PTPRD: variants seen among roughly 807,000 people sequenced by gnomAD.
The protein encoded by PTPRD is protein tyrosine phosphatase receptor type D, also known as receptor-type tyrosine-protein phosphatase delta.
A neutral mutation model predicts 214.5 loss-of-function variants in PTPRD; 34 were observed. That is an observed-to-expected ratio of 0.16 (90% CI 0.12 to 0.21). The LOEUF is 0.21. Ranked by LOEUF, PTPRD falls within the 10% of genes least tolerant of loss-of-function variation. PTPRD has a pLI of 1.00. For missense variants in PTPRD, 2,545 were observed against 2,398.7 expected, an observed-to-expected ratio of 1.06 and a Z score of -1.27; for synonymous variants, 1,128 against 845.7, an observed-to-expected ratio of 1.33 and a Z score of -5.79.
At chr9:9,135,269 T>C (rs142552735) in intron 10 of PTPRD, among the ~76,000 whole-genome samples, 143 of 152,362 alleles carry the variant, frequency 9.4e-4, no homozygotes, top group African/African-American at 3.2e-3. Context: ...GCACCTAGTA[T>C]GATACTTTGT....
intron 11 of PTPRD, among the ~76,000 whole-genome samples, chr9:8,813,179 C>G (rs964969738): frequency 2.0e-5 from 3 of 151,858 alleles, no homozygotes; most frequent in Non-Finnish European, 4.4e-5. Context: ...GGACATTTTT[C>G]ATTAATGACC....
chr9:8,959,697 TG>T (rs2099149036), intron 11 of PTPRD, among the ~76,000 whole-genome samples: 1 of 152,042 alleles, frequency 6.6e-6, no homozygotes, highest in Non-Finnish European at 1.5e-5. Context: ...AAAGAATCAT[TG>T]AGTATATCCT....
intron 12 of PTPRD, among the ~76,000 whole-genome samples, chr9:8,649,514 C>T (rs1451162388): frequency 2.0e-5 from 3 of 152,138 alleles, no homozygotes; most frequent in East Asian, 3.8e-4. Flanking sequence ...AGAAGGGAGA[C>T]GTGTGTGTAC....
chr9:10,396,344 T>C (rs989426699), intron 2 of PTPRD, among the ~76,000 whole-genome samples: 1 of 151,966 alleles, frequency 6.6e-6, no homozygotes, highest in Non-Finnish European at 1.5e-5. Context: ...GATGCTGAGG[T>C]AGCCTGCGGG....
At chr9:10,565,052 T>C (rs548335800) in intron 2 of PTPRD, among the ~76,000 whole-genome samples, 1 of 152,108 alleles carries the variant, frequency 6.6e-6, no homozygotes, top group Non-Finnish European at 1.5e-5. Context: ...ATGTAGCATA[T>C]TTTTTATAAG....
intron 11 of PTPRD, among the ~76,000 whole-genome samples, chr9:8,845,996 C>A (rs1529766): frequency 0.092 from 13,958 of 152,152 alleles, 858 homozygotes; most frequent in Admixed American, 0.15. Context: ...CAGGCAATTG[C>A]TTTTGGTTCA....
chr9:10,493,382 T>C (rs2040994317), intron 2 of PTPRD, among the ~76,000 whole-genome samples: 1 of 152,086 alleles, frequency 6.6e-6, no homozygotes, highest in Non-Finnish European at 1.5e-5. Context: ...AACAGCATGG[T>C]ACTGGTACCA....
rs546841822 is a variant in PTPRD, at chr9:10,202,063, G to T, written c.-545+138900C>A. Among the ~76,000 whole-genome samples the T allele has an allele frequency of 1.7e-3, 263 of 152,130 alleles. 1 individual carries two copies. The highest frequency in any genetic ancestry group is 5.9e-3 in the African/African-American group (247 of 41,538). On this transcript the variant is annotated intron_variant, in intron 3 of 45. Coordinates refer to ENST00000381196, the MANE Select transcript of PTPRD (RefSeq NM_002839.4). ...TAAGAACAGTGAGAAAACTGTATGT[G>T]TTTTCAAATAGAGGCTGTTTAGGCT...
intron 3 of PTPRD, among the ~76,000 whole-genome samples, chr9:10,081,225 A>C (rs1367675577): frequency 6.6e-6 from 1 of 152,168 alleles, no homozygotes; most frequent in Non-Finnish European, 1.5e-5. Context: ...TTTCAAAATA[A>C]TACTACTGTA....
At chr9:9,717,822 A>G (rs1197560712) in intron 7 of PTPRD, among the ~76,000 whole-genome samples, 6 of 152,218 alleles carry the variant, frequency 3.9e-5, no homozygotes, top group Non-Finnish European at 8.8e-5. Flanking sequence ...TAATATGGGA[A>G]CATACAAACC....
intron 18 of PTPRD, 23 bp downstream of exon 18, chr9:8,524,902 T>C (rs1191628550): frequency 1.3e-6 from 2 of 1,599,970 alleles, no homozygotes; most frequent in East Asian, 2.2e-5. Flanking sequence ...GAAGAAGCGA[T>C]GCCAGGGTTA....
intron 11 of PTPRD, among the ~76,000 whole-genome samples, chr9:8,766,754 T>TA (rs1382295260): frequency 6.6e-6 from 1 of 152,224 alleles, no homozygotes; most frequent in Non-Finnish European, 1.5e-5. Flanking sequence ...TACTTGTTTT[T>TA]ATGAATCTTT....
intron 9 of PTPRD, among the ~76,000 whole-genome samples, chr9:9,237,853 T>A (rs1329916965): frequency 9.2e-5 from 14 of 152,150 alleles, no homozygotes; most frequent in Non-Finnish European, 1.6e-4. Context: ...TTGATGAGGT[T>A]AACAGGGCAC....
intron 7 of PTPRD, among the ~76,000 whole-genome samples, chr9:9,626,921 A>G (rs1339137010): frequency 6.6e-6 from 1 of 152,230 alleles, no homozygotes; most frequent in African/African-American, 2.4e-5. Flanking sequence ...GAAGGATACA[A>G]ACTGTCAACA....
intron 9 of PTPRD, among the ~76,000 whole-genome samples, chr9:9,315,544 G>A (rs895832463): frequency 2.6e-5 from 4 of 151,908 alleles, no homozygotes; most frequent in Admixed American, 2.0e-4. Context: ...ATAGGGCTGA[G>A]TGAAAACCTA....
At chr9:10,582,779 T>C (rs764722498) in intron 2 of PTPRD, among the ~76,000 whole-genome samples, 8 of 152,148 alleles carry the variant, frequency 5.3e-5, no homozygotes, top group Admixed American at 3.3e-4. Flanking sequence ...ACACACACCA[T>C]TGAGATAAAT....
intron 39 of PTPRD, among the ~76,000 whole-genome samples, chr9:8,352,719 A>C (rs560989153): frequency 1.3e-5 from 2 of 152,322 alleles, no homozygotes; most frequent in Admixed American, 1.3e-4. Flanking sequence ...TTTGAACTTT[A>C]GCAACTTTGA....
chr9:8,792,448 T>A (rs191801773), intron 11 of PTPRD, among the ~76,000 whole-genome samples: 1 of 152,196 alleles, frequency 6.6e-6, no homozygotes, highest in Non-Finnish European at 1.5e-5. Flanking sequence ...GCTGTCCTTT[T>A]CTAATGGGCG....
At chr9:8,950,276 C>T (rs755652690) in intron 11 of PTPRD, among the ~76,000 whole-genome samples, 2 of 152,160 alleles carry the variant, frequency 1.3e-5, no homozygotes, top group Non-Finnish European at 2.9e-5. Context: ...AGAAATTATG[C>T]ATGGTTGTGA....
Sources: gnomAD v4.1 joint callset for allele counts (sites outside exome capture counted in the v4.1 genomes callset) on GRCh38, gnomAD v4.1.1 for gene constraint, MANE v1.5 for transcripts, NCBI Gene and HGNC (gene_info 2026-07-23, HGNC 2026-07-21) for gene names.